Variants in DEF8 observed in about 807,000 individuals in gnomAD.
The protein encoded by DEF8 is DEF-8.
In DEF8, 38 loss-of-function variants were observed where a neutral mutation model predicts 59.1. The ratio of observed to expected loss-of-function variants is 0.64; its 90% CI spans 0.50 to 0.84. DEF8 has a LOEUF of 0.84. DEF8 is among the 40% of genes least tolerant of loss of function. The pLI is 0.00. For synonymous variants in DEF8, 265 were observed against 250.1 expected (o/e 1.06, Z -0.56); for missense variants, 557 against 615.2 (o/e 0.91, Z 1.00).
Position 89,949,489 on chromosome 16 carries a change from C to T in DEF8, c.-35C>T. ...GAATGGCCATCCTGTCCCTGCGAGC[C>T]CCTGGGCCCTGGCAGGCGATGCAGG... On this transcript the variant is annotated 5_prime_UTR_variant, in exon 2 of 13. Transcript: ENST00000563594. The T allele has an allele frequency of 1.9e-6, 3 of 1,612,958 alleles. No individual in the cohort carries two copies. Among genetic ancestry groups the T allele is most frequent in the East Asian group, 2.2e-5 (1 of 44,862 alleles).
At chr16:89,958,725 C>T (rs1251658618) in intron 5 of DEF8, among the ~76,000 whole-genome samples, 1 of 152,210 alleles carries the variant, frequency 6.6e-6, no homozygotes, top group African/African-American at 2.4e-5. Context: ...CCGGGTCGCT[C>T]CCGCTCACAT....
chr16:89,949,753 G>C (rs1277119300), intron 2 of DEF8: 1 of 1,029,642 alleles, frequency 9.7e-7, no homozygotes, highest in Non-Finnish European at 1.4e-6. Flanking sequence ...TCCCCGATGA[G>C]AGCAGTGGGC....
intron 12 of DEF8, 43 bp downstream of exon 12, chr16:89,964,618 C>T (rs773716058): frequency 3.1e-5 from 45 of 1,468,938 alleles, no homozygotes; most frequent in Non-Finnish European, 3.6e-5. Context: ...TGGGGCTCTG[C>T]GCTGTCCTCT....
intron 10 of DEF8, chr16:89,963,781 G>A (rs2034332001): frequency 2.0e-6 from 1 of 488,100 alleles, no homozygotes; most frequent in Middle Eastern, 3.7e-4. Flanking sequence ...AACAGTGAAC[G>A]AAACAGACAG....
At chr16:89,951,250 A>G (rs1408248511) in intron 2 of DEF8, among the ~76,000 whole-genome samples, 2 of 151,774 alleles carry the variant, frequency 1.3e-5, no homozygotes, top group African/African-American at 4.8e-5. Flanking sequence ...ATCATCAGTC[A>G]GAATCTTTTC....
chr16:89,962,494 C>A (rs985452420), intron 9 of DEF8, among the ~76,000 whole-genome samples: 1 of 152,066 alleles, frequency 6.6e-6, no homozygotes, highest in Admixed American at 6.6e-5. Context: ...CCCATCTCTA[C>A]TAAAAATACA....
In DEF8 at chr16:89,959,106, G is replaced by A. The variant is rs1392745908; in HGVS notation, c.465G>A (p.Lys155=). 1 of 1,613,922 alleles carries A rather than the reference G, an allele frequency of 6.2e-7. No homozygotes were observed. Among genetic ancestry groups the A allele is most frequent in the Non-Finnish European group, 8.5e-7 (1 of 1,180,028 alleles). ...KSKSVKQTCD[K]CNTIIWGLIQ... ...AGAGCGTCAAGCAGACCTGTGACAA[G>A]TGTAACACCATCATCTGGGGGCTCA... Residue 155 remains lysine (K), a synonymous_variant, in exon 6 of 13, where the codon AAG becomes AAA. Coordinates refer to ENST00000563594, the MANE Select transcript of DEF8 (RefSeq NM_001242818.2).
At chr16:89,949,011 T>C (rs1435961276) in intron 1 of DEF8, among the ~76,000 whole-genome samples, 197 bp downstream of exon 1, 34 of 28,244 alleles carry the variant, frequency 1.2e-3, no homozygotes, top group African/African-American at 3.3e-3. Context: ...GGGTCGGGGC[T>C]GGGAGGGACG....
intron 6 of DEF8, among the ~76,000 whole-genome samples, chr16:89,959,698 C>T (rs149416713): frequency 2.1e-3 from 315 of 152,262 alleles, no homozygotes; most frequent in African/African-American, 7.4e-3. Context: ...GGGGTTTCAC[C>T]GTGTTAGCCA....
At chr16:89,963,923 C>T (rs373070024) in intron 10 of DEF8, 34 of 592,232 alleles carry the variant, frequency 5.7e-5, no homozygotes, top group African/African-American at 3.0e-4. Context: ...TGCGGGGATG[C>T]GGTGTGGCTG....
rs920900144 is a variant in DEF8 at position 89,961,254 on chromosome 16, T to C, written c.679+159T>C. On this transcript the variant is annotated intron_variant, in intron 7 of 12. Coordinates refer to ENST00000563594, the MANE Select transcript of DEF8 (RefSeq NM_001242818.2). ...AAGTGACAAGGGTCTGTTGCTGCCA[T>C]TGTTTCATTTCTCACTGAAGCAGAC... is the stretch of plus-strand genomic sequence containing the variant. Among the ~76,000 whole-genome samples the C allele has an allele frequency of 2.6e-5, 4 of 152,272 alleles. No homozygotes were observed. The South Asian group carries it at 8.3e-4, about 32-fold the overall frequency.
rs1848708126 is a variant in DEF8, at chr16:89,955,279, A to G, written c.222+13A>G. 1.2e-6 allele frequency: 2 copies of G among 1,609,256 alleles called. No homozygotes were observed. Among genetic ancestry groups the G allele is most frequent in the South Asian group, 1.1e-5 (1 of 90,966 alleles). On this transcript the variant is annotated intron_variant, in intron 4 of 12. Transcript: ENST00000563594. ...CTCCCGCCCTGTGGTAAGGTTTTAG[A>G]TCTCGGAGGGGAGAGGGACTGAGGG...
chr16:89,965,798 G>T, intron 12 of DEF8, 63 bp from the exon 13 acceptor site: 2 of 1,115,318 alleles, frequency 1.8e-6, no homozygotes. Context: ...GACCTAGGAC[G>T]CTTGGGGGGA....
At chr16:89,964,004 C>A (rs774262741) in intron 10 of DEF8, 166 bp from the exon 11 acceptor site, 18 of 910,682 alleles carry the variant, frequency 2.0e-5, no homozygotes, top group Non-Finnish European at 3.0e-5. Flanking sequence ...GGTCCATCTT[C>A]CCCTGTCGGC....
At position 89,954,595 on chromosome 16, in the gene DEF8, C is replaced by T. The variant is rs1398594936; in HGVS notation, c.124+219C>T. Among the ~76,000 whole-genome samples, 1 of 152,214 alleles carries T rather than the reference C, an allele frequency of 6.6e-6. No homozygotes were observed. The highest frequency in any genetic ancestry group is 1.5e-5 in the Non-Finnish European group (1 of 68,036). ...CTGAGGGCAAGATTTGTGCCTGACC[C>T]ATCACTGCTGCATCCTAGGGCCCAG... On this transcript the variant is annotated intron_variant, in intron 3 of 12. Transcript: ENST00000563594. This position sits in a 1 kb window ranked among gnomAD's most constrained non-coding sequence, Gnocchi z 4.3.
Position 89,959,005 on chromosome 16 carries a change from C to T in DEF8, c.373-9C>T. 1 of 1,609,844 alleles carries T rather than the reference C, an allele frequency of 6.2e-7. No homozygotes were observed. The highest frequency in any genetic ancestry group is 8.5e-7 in the Non-Finnish European group (1 of 1,179,900). The stretch of plus-strand genomic sequence containing the variant: ...ACCTGTGACCCCCTCCCTGACTCAC[C>T]CTCTGCAGGACCCCAATGAGGATGA... On this transcript the variant is annotated splice_polypyrimidine_tract_variant and intron_variant, in intron 5 of 12. Transcript: ENST00000563594.
intron 7 of DEF8, among the ~76,000 whole-genome samples, chr16:89,961,362 G>GT (rs1597511973): frequency 6.6e-6 from 1 of 152,346 alleles, no homozygotes; most frequent in East Asian, 1.9e-4. Context: ...CTCCCCGTGT[G>GT]AAAGCCTCAT....
intron 4 of DEF8, chr16:89,956,960 C>T (rs890628506): frequency 6.6e-6 from 1 of 152,424 alleles, no homozygotes; most frequent in African/African-American, 2.4e-5. Flanking sequence ...GTCCAGGCTC[C>T]CCAGCACTGA....
intron 12 of DEF8, 58 bp from the exon 13 acceptor site, chr16:89,965,803 G>C (rs1014831610): frequency 5.9e-6 from 7 of 1,181,962 alleles, no homozygotes; most frequent in Middle Eastern, 1.9e-4. Context: ...AGGACGCTTG[G>C]GGGGATTCAG....
Sources: gnomAD v4.1 joint callset for allele counts (sites outside exome capture counted in the v4.1 genomes callset) on GRCh38, gnomAD v4.1.1 for gene constraint, Gnocchi (gnomAD v3.1) non-coding constraint, MANE v1.5 for transcripts, NCBI Gene and HGNC (gene_info 2026-07-23, HGNC 2026-07-21) for gene names.